The following SBF1 variants were observed in gnomAD, a reference collection of about 807,000 sequenced individuals.
SBF1 encodes myotubularin-related protein 5.
Under a neutral mutation model 215.8 loss-of-function variants are expected in SBF1, and 65 were observed. That is an observed-to-expected ratio of 0.30 (90% confidence interval 0.25 to 0.37). The LOEUF (loss-of-function observed/expected upper bound fraction) is 0.37. SBF1 is among the 10% of genes least tolerant of loss of function. The probability of loss-of-function intolerance (pLI) is 1.00; values close to 1 mark genes in which losing one functional copy is unlikely to be tolerated. For synonymous variants in SBF1, 1,410 were observed against 1,122.8 expected (o/e 1.26, Z -5.11); for missense variants, 2,634 against 2,667.8 (o/e 0.99, Z 0.28).
intron 1 of SBF1, among the ~76,000 whole-genome samples, chr22:50,473,615 A>C (rs781477789): frequency 4.2e-4 from 64 of 152,200 alleles, no homozygotes; most frequent in Non-Finnish European, 6.9e-4. Flanking sequence ...AAGAGGCTTC[A>C]GGAAGTGTAG....
rs753500730 is a variant in SBF1 at position 50,461,951 on chromosome 22, C to T, written c.2565G>A (p.Val855=). 2.5e-6 allele frequency: 4 copies of T among 1,614,026 alleles called. No individual in the cohort carries two copies. The highest frequency in any genetic ancestry group is 1.3e-5 in the African/African-American group (1 of 74,944). ...CACCAGCCCAAACCCCCGTACCTGG[C>T]ACCATGACATGCAGCCCCTTGAGGT... ...SDHLKGLHVM[V]PDIVQMHIET... The change falls in exon 20 of 41, where the codon GTG becomes GTA. Residue 855 remains valine, a synonymous_variant. Coordinates refer to ENST00000380817, the MANE Select transcript of SBF1 (RefSeq NM_002972.4).
In SBF1 at chr22:50,447,755, G is replaced by T. The variant is rs187765948; in HGVS notation, c.5364-146C>A. 206 of 618,484 alleles carry T rather than the reference G, an allele frequency of 3.3e-4. No individual in the cohort carries two copies. In the East Asian group the frequency reaches 5.6e-3, roughly 17 times the overall value. The allele number at this position is 618,484 out of a possible 1,614,324, so 38.3% of individuals were successfully genotyped here. A position where few individuals can be genotyped will look rare whatever the true frequency, so the allele number is the denominator to read the frequency against. On this transcript the variant is annotated intron_variant, in intron 38 of 40. Transcript: ENST00000380817. Reference sequence around the variant, plus strand: ...AGAACTGACCTAAGCCCAGAGCACTGGCCAGGGGGCCACAAAGAAGCCTTT... The same window carrying T: ...AGAACTGACCTAAGCCCAGAGCACTTGCCAGGGGGCCACAAAGAAGCCTTT...
In SBF1 at chr22:50,465,313, C is replaced by A; in HGVS notation, c.1105G>T (p.Ala369Ser). The change falls in exon 11 of 41, where the codon GCG becomes TCG. Residue 369 changes from alanine (A) to serine (S), a missense_variant. Physicochemically the swap from Ala to Ser is moderately conservative, Grantham distance 99. Transcript: ENST00000380817. ...SLKMQDKELR[A>S]VFLRLFAQLL... is the part of the protein sequence containing the mutation. The stretch of plus-strand genomic sequence containing the variant: ...TGAGCGAACAGCCGCAGGAAGACCG[C>A]GCGCAGCTCCTTGTCCTGGGAGAAG... The A allele has an allele frequency of 6.3e-7, 1 of 1,594,642 alleles. No individual in the cohort carries two copies. Among genetic ancestry groups the A allele is most frequent in the Non-Finnish European group, 8.5e-7 (1 of 1,171,522 alleles).
In SBF1 at chr22:50,462,243, G is replaced by A. The variant is rs374267074; in HGVS notation, c.2358C>T (p.Gly786=). The A allele has an allele frequency of 2.6e-5, 42 of 1,608,730 alleles. No individual in the cohort carries two copies. Among genetic ancestry groups the A allele is most frequent in the African/African-American group, 1.2e-4 (9 of 74,932 alleles). Reference sequence around the variant, plus strand: ...GGCTGTTGCTGGCGCTCTCCAGGTCGCCCAGCCCGGCACGCTCCCGAAGTA... The same window carrying A: ...GGCTGTTGCTGGCGCTCTCCAGGTCACCCAGCCCGGCACGCTCCCGAAGTA... ...SRLLRERAGL[G]DLESASNSLV... Residue 786 remains glycine (G), a synonymous_variant, in exon 19 of 41, where the codon GGC becomes GGT. Transcript: ENST00000380817.
At position 50,460,276 on chromosome 22, in the gene SBF1, G is replaced by T; in HGVS notation, c.3279C>A (p.Ile1093=). The change falls in exon 25 of 41, where the codon ATC becomes ATA. Residue 1093 remains isoleucine (I), a synonymous_variant. Coordinates refer to ENST00000380817, the MANE Select transcript of SBF1 (RefSeq NM_002972.4). ...QPPPEDQEDE[I]SVSEELEPST... Reference sequence around the variant, plus strand: ...ACTCCACCCCCACCCCTCCACCTGAGATCTCGTCCTCCTGGTCCTCAGGGG... The same window carrying T: ...ACTCCACCCCCACCCCTCCACCTGATATCTCGTCCTCCTGGTCCTCAGGGG... 6.2e-7 allele frequency: 1 copy of T among 1,604,680 alleles called. No individual in the cohort carries two copies. Among genetic ancestry groups the T allele is most frequent in the Non-Finnish European group, 8.5e-7 (1 of 1,173,678 alleles).
chr22:50,465,408 C>T, intron 10 of SBF1, 80 bp from the exon 11 acceptor site: 1 of 1,220,900 alleles, frequency 8.2e-7, no homozygotes, highest in Non-Finnish European at 1.2e-6. Flanking sequence ...CTCCACACCC[C>T]AACCCACCCC....
chr22:50,464,010 C>T (rs1372229253), intron 15 of SBF1, among the ~76,000 whole-genome samples: 2 of 152,172 alleles, frequency 1.3e-5, no homozygotes, highest in Non-Finnish European at 2.9e-5. Flanking sequence ...CCATCAAGTA[C>T]AAAGAACAGG....
chr22:50,465,235 G>T lies in SBF1; in HGVS notation c.1183C>A (p.Pro395Thr), dbSNP rs1447301382. ...CCCACCTTATGGAAGCGGATGACAG[G>T]CTCCGGGTGGATGCGCACGACGTGC... ...CLHVVRIHPE[P>T]VIRFHKAAFL... Residue 395 changes from proline to threonine, a missense_variant, in exon 11 of 41, where the codon CCT (proline) becomes ACT (threonine). Pro to Thr is a conservative substitution (Grantham distance 38, BLOSUM62 -1). Coordinates refer to ENST00000380817, the MANE Select transcript of SBF1 (RefSeq NM_002972.4). 6.2e-7 allele frequency: 1 copy of T among 1,612,556 alleles called. No homozygotes were observed. The highest frequency in any genetic ancestry group is 1.7e-5 in the Admixed American group (1 of 59,760).
At chr22:50,473,488 G>A (rs760459091) in intron 1 of SBF1, among the ~76,000 whole-genome samples, 1 of 152,192 alleles carries the variant, frequency 6.6e-6, no homozygotes, top group Non-Finnish European at 1.5e-5. Context: ...TAAAGAAAAA[G>A]ACAGATGCTC....
At chr22:50,473,529 G>A (rs1054369534) in intron 1 of SBF1, among the ~76,000 whole-genome samples, 1 of 152,196 alleles carries the variant, frequency 6.6e-6, no homozygotes, top group Non-Finnish European at 1.5e-5. Context: ...ACACACACTT[G>A]GATAGACATG....
rs2066831236 is a variant in SBF1 at position 50,446,683 on chromosome 22, C to T, written c.*459G>A. On this transcript the variant is annotated 3_prime_UTR_variant, in exon 41 of 41. Transcript: ENST00000380817. ...GGCCGAGCTGGGTGGACCCAGGCAC[C>T]AGGAGAGGCTCACGAGAAAGATGCC... 67 of 386,578 alleles carry T rather than the reference C, an allele frequency of 1.7e-4. No individual in the cohort carries two copies. Among genetic ancestry groups the T allele is most frequent in the South Asian group, 1.3e-3 (66 of 51,554 alleles). The allele number at this position is 386,578 out of a possible 1,614,324, so 23.9% of individuals were successfully genotyped here. A position where few individuals can be genotyped will look rare whatever the true frequency, so the allele number is the denominator to read the frequency against.
chr22:50,467,385 T>C lies in SBF1; in HGVS notation c.502A>G (p.Ile168Val), dbSNP rs763695196. 8.1e-6 allele frequency: 13 copies of C among 1,613,956 alleles called. No individual in the cohort carries two copies. In the Admixed American group the frequency reaches 1.3e-4, roughly 17 times the overall value. Residue 168 changes from isoleucine to valine, a missense_variant, in exon 5 of 41, where the codon ATT (isoleucine) becomes GTT (valine). Ile to Val is a conservative substitution (Grantham distance 29). Transcript: ENST00000380817. ...EGLNVCLENVIGNLLTCTVPL... is the reference protein window; with the variant it reads ...EGLNVCLENVVGNLLTCTVPL... The stretch of plus-strand genomic sequence containing the variant: ...ACAGTGCACGTCAGCAGGTTCCCAA[T>C]CACGTTCTCCAGGCACACATTCAGG...
chr22:50,458,930 T>C (rs1323869117), intron 28 of SBF1, among the ~76,000 whole-genome samples: 3 of 152,206 alleles, frequency 2.0e-5, no homozygotes, highest in Admixed American at 6.5e-5. Context: ...GTTTCCAGGC[T>C]GTGGGAAATG....
At chr22:50,463,002 T>C in intron 16 of SBF1, 64 bp from the exon 17 acceptor site, 3 of 1,456,906 alleles carry the variant, frequency 2.1e-6, no homozygotes, top group Non-Finnish European at 2.8e-6. Flanking sequence ...CCTCCCACCA[T>C]GCCCCCACCA....
intron 28 of SBF1, chr22:50,457,346 G>T (rs2067296106): frequency 2.3e-6 from 1 of 430,468 alleles, no homozygotes; most frequent in Non-Finnish European, 4.1e-6. Context: ...GCTATGCGGT[G>T]GGGATCCCGG....
intron 27 of SBF1, 22 bp from the exon 28 acceptor site, chr22:50,459,414 AG>A (rs2067403402): frequency 6.2e-7 from 1 of 1,611,640 alleles, no homozygotes. Flanking sequence ...CACGGAGCTG[AG>A]GGAGGGGAGG....
chr22:50,459,040 G>T (rs1211560962), intron 28 of SBF1, among the ~76,000 whole-genome samples: 1 of 152,168 alleles, frequency 6.6e-6, no homozygotes, highest in Non-Finnish European at 1.5e-5. Context: ...GCGGGCAGGA[G>T]GTCAGGGCAC....
rs772333742 is a variant in SBF1, at chr22:50,467,908, C to G, written c.157G>C (p.Gly53Arg). 1.2e-6 allele frequency: 2 copies of G among 1,613,880 alleles called. No homozygotes were observed. The highest frequency in any genetic ancestry group is 1.7e-6 in the Non-Finnish European group (2 of 1,179,936). ...TTCCTCTCGGGACACAGCTGCCACC[C>G]GCTGGGCTGGCAAAACTGCAGGGAA... ...QGIELFCQPS[G>R]WQLCPERNPP... The change falls in exon 3 of 41, where the codon GGG becomes CGG. Residue 53 changes from glycine (G) to arginine (R), a missense_variant. Gly to Arg is a moderately radical substitution (Grantham distance 125, BLOSUM62 -2). Transcript: ENST00000380817.
chr22:50,459,762 A>G, intron 26 of SBF1, 96 bp from the exon 27 acceptor site: 1 of 1,384,576 alleles, frequency 7.2e-7, no homozygotes, highest in Non-Finnish European at 9.7e-7. Flanking sequence ...CATGGCTCCC[A>G]GCAGGAGGCG....
Sources: gnomAD v4.1 joint callset for allele counts (sites outside exome capture counted in the v4.1 genomes callset) on GRCh38, gnomAD v4.1.1 for gene constraint, MANE v1.5 for transcripts, NCBI Gene and HGNC (gene_info 2026-07-23, HGNC 2026-07-21) for gene names.